The following LIMCH1 variants were observed in gnomAD, a reference collection of about 807,000 sequenced individuals.
The protein encoded by LIMCH1 is LIM and calponin homology domains 1, also known as LIM and calponin homology domains-containing protein 1.
In LIMCH1, 113 loss-of-function variants were observed where a neutral mutation model predicts 176.5. The observed-to-expected ratio is 0.64, with a 90% CI of 0.55 to 0.75. LIMCH1 has a LOEUF of 0.75. Among genes scored for constraint, LIMCH1 ranks in the 30% least tolerant of loss-of-function variants. The pLI, the probability that LIMCH1 is intolerant of heterozygous loss-of-function variation, is 0.00. For missense variants in LIMCH1, 1,674 were observed against 1,814.9 expected (o/e 0.92, Z 1.41); for synonymous variants, 619 against 645.9 (o/e 0.96, Z 0.63).
At chr4:41,553,227 A>G (rs1297588862) in intron 1 of LIMCH1, among the ~76,000 whole-genome samples, 1 of 152,196 alleles carries the variant, frequency 6.6e-6, no homozygotes, top group African/African-American at 2.4e-5. Flanking sequence ...GGTTACAACC[A>G]TGAATGGCAT....
At chr4:41,467,505 G>A (rs1296857747) in intron 1 of LIMCH1, among the ~76,000 whole-genome samples, 1 of 152,074 alleles carries the variant, frequency 6.6e-6, no homozygotes, top group African/African-American at 2.4e-5. Flanking sequence ...GCATGTGCAG[G>A]GGAACTCCCC....
chr4:41,479,622 A>G (rs2068267664), intron 1 of LIMCH1, among the ~76,000 whole-genome samples: 1 of 152,066 alleles, frequency 6.6e-6, no homozygotes, highest in Middle Eastern at 3.2e-3. Flanking sequence ...GCTTTCCCCA[A>G]ATGTGCCCAA....
intron 1 of LIMCH1, among the ~76,000 whole-genome samples, chr4:41,455,603 C>T (rs1322858825): frequency 1.3e-5 from 2 of 152,158 alleles, no homozygotes; most frequent in Admixed American, 6.5e-5. Context: ...TTATTTCATA[C>T]GCTGCCTAAA....
At chr4:41,590,615 C>G (rs549467214) in intron 1 of LIMCH1, among the ~76,000 whole-genome samples, 1 of 152,164 alleles carries the variant, frequency 6.6e-6, no homozygotes, top group African/African-American at 2.4e-5. Flanking sequence ...CTCCCATTTT[C>G]TCTTCTGTGA....
In LIMCH1 at chr4:41,370,182, G is replaced by A. The variant is rs1224943357; in HGVS notation, c.96+9246G>A. Among the ~76,000 whole-genome samples the A allele has an allele frequency of 3.3e-5, 5 of 152,108 alleles. No homozygotes were observed. In the East Asian group the frequency reaches 7.7e-4, roughly 24 times the overall value. On this transcript the variant is annotated intron_variant, in intron 1 of 26. Coordinates refer to the LIMCH1 transcript ENST00000313860. The stretch of plus-strand genomic sequence containing the variant: ...TTAAATAAACATGCCCCCAGCATTC[G>A]GCCTTAGGGCTCTCACCTTCTCTTT...
chr4:41,475,567 A>G (rs2067597552), intron 1 of LIMCH1, among the ~76,000 whole-genome samples: 1 of 152,210 alleles, frequency 6.6e-6, no homozygotes, highest in East Asian at 1.9e-4. Context: ...CCCTATTCCC[A>G]TGAGAACTGG....
At chr4:41,599,203 T>C in intron 2 of LIMCH1, 177 bp downstream of exon 2, 1 of 477,294 alleles carries the variant, frequency 2.1e-6, no homozygotes. Context: ...TGTGCATAGC[T>C]TTCATTCTGA....
At chr4:41,417,533 T>G (rs768578122) in intron 1 of LIMCH1, among the ~76,000 whole-genome samples, 33 of 152,332 alleles carry the variant, frequency 2.2e-4, no homozygotes, top group Non-Finnish European at 4.3e-4. Context: ...GGAGTTTCTT[T>G]CTACAGGGAG....
chr4:41,524,278 T>G, intron 2 of LIMCH1: 44 of 731,102 alleles, frequency 6.0e-5, no homozygotes, highest in East Asian at 1.0e-4. Flanking sequence ...GATAGATTAT[T>G]GAGATTTACT....
chr4:41,366,422 T>G (rs2052994417), intron 1 of LIMCH1, among the ~76,000 whole-genome samples: 1 of 152,184 alleles, frequency 6.6e-6, no homozygotes, highest in Non-Finnish European at 1.5e-5. Context: ...TTTTAAAAAG[T>G]ACAATACAAT....
intron 20 of LIMCH1, among the ~76,000 whole-genome samples, chr4:41,665,259 T>C (rs895252485): frequency 2.0e-5 from 3 of 152,222 alleles, no homozygotes; most frequent in Admixed American, 2.0e-4. Flanking sequence ...TCATTGCTGA[T>C]GACCCTTAAC....
At chr4:41,688,054 G>C (rs1017315293) in intron 29 of LIMCH1, 137 bp downstream of exon 29, 47 of 630,282 alleles carry the variant, frequency 7.5e-5, no homozygotes, top group East Asian at 3.5e-4. Flanking sequence ...CACACACACA[G>C]AGGCAAAAGG....
At chr4:41,459,005 T>C (rs2064975589) in intron 1 of LIMCH1, among the ~76,000 whole-genome samples, 1 of 152,076 alleles carries the variant, frequency 6.6e-6, no homozygotes, top group African/African-American at 2.4e-5. Flanking sequence ...AGTTATAAAA[T>C]GGGAAAAATA....
intron 21 of LIMCH1, among the ~76,000 whole-genome samples, chr4:41,670,327 A>G (rs955359514): frequency 3.3e-5 from 5 of 152,220 alleles, no homozygotes; most frequent in Admixed American, 2.0e-4. Flanking sequence ...TGAAATAGTA[A>G]TTAAACCACC....
intron 3 of LIMCH1, 189 bp downstream of exon 3, chr4:41,604,094 G>A (rs982939472): frequency 1.6e-6 from 1 of 608,180 alleles, no homozygotes; most frequent in African/African-American, 2.0e-5. Flanking sequence ...TGGGGTGGTG[G>A]TGGTTCTCTT....
In LIMCH1 at chr4:41,699,316, G is replaced by T. The variant is rs1352624076; in HGVS notation, c.*2131G>T. On this transcript the variant is annotated 3_prime_UTR_variant, in exon 32 of 32. Coordinates refer to ENST00000503057, the MANE Select transcript of LIMCH1 (RefSeq NM_001330672.2). ...GCTCATTGTACATGTATTGAAGCTA[G>T]AATCGAGTCAAGAAAAATAAAGCCC... The T allele has an allele frequency of 1.3e-5, 2 of 152,144 alleles. No homozygotes were observed. The highest frequency in any genetic ancestry group is 1.3e-4 in the Admixed American group (2 of 15,280). 9.4% of individuals were successfully genotyped at this position (152,144 alleles called of 1,614,324 possible). A position where few individuals can be genotyped will look rare whatever the true frequency, so the allele number is the denominator to read the frequency against.
intron 1 of LIMCH1, among the ~76,000 whole-genome samples, chr4:41,403,657 G>T (rs2058690496): frequency 6.6e-6 from 1 of 152,198 alleles, no homozygotes. Context: ...TAATAACTTT[G>T]TAATTTCCAC....
At chr4:41,679,265 A>T (rs192272739) in intron 23 of LIMCH1, among the ~76,000 whole-genome samples, 225 of 152,288 alleles carry the variant, frequency 1.5e-3, no homozygotes, top group African/African-American at 5.1e-3. Flanking sequence ...TTCTCATTTT[A>T]TGCATTAATT....
intron 1 of LIMCH1, among the ~76,000 whole-genome samples, chr4:41,560,882 G>A (rs2081978529): frequency 6.6e-6 from 1 of 151,768 alleles, no homozygotes. Flanking sequence ...GCCAGGTGTG[G>A]TGCGCTTCCC....
Sources: allele counts gnomAD v4.1 joint callset (sites outside exome capture counted in the v4.1 genomes callset), GRCh38; gene constraint gnomAD v4.1.1; transcripts MANE v1.5; gene names NCBI Gene and HGNC (gene_info 2026-07-23, HGNC 2026-07-21).